Variants in CHN2 observed in about 807,000 individuals in gnomAD.
CHN2 encodes chimerin 2, also known as beta-chimaerin.
In CHN2, 35 loss-of-function variants were observed where a neutral mutation model predicts 56.3. The ratio of observed to expected loss-of-function variants is 0.62; its 90% CI spans 0.47 to 0.82. The LOEUF is 0.82. Among genes scored for constraint, CHN2 ranks in the 40% least tolerant of loss-of-function variants. The pLI, the probability that CHN2 is intolerant of heterozygous loss-of-function variation, is 0.00. For missense variants in CHN2, 491 were observed against 580.5 expected (o/e 0.85, Z 1.58); for synonymous variants, 210 against 212.8 (o/e 0.99, Z 0.12).
chr7:29,291,917 T>C (rs1227283947), intron 1 of CHN2, among the ~76,000 whole-genome samples: 3 of 152,158 alleles, frequency 2.0e-5, no homozygotes, highest in East Asian at 3.9e-4. Context: ...ACTTTTGCCC[T>C]TTACTCTCGG....
At chr7:29,198,064 T>C (rs1334049177) in intron 1 of CHN2, 1 of 455,872 alleles carries the variant, frequency 2.2e-6, no homozygotes, top group Non-Finnish European at 4.4e-6. Flanking sequence ...TGCACAGAGC[T>C]GCCAGCTCAC....
intron 1 of CHN2, among the ~76,000 whole-genome samples, chr7:29,301,941 G>A (rs993551288): frequency 1.3e-5 from 2 of 152,130 alleles, no homozygotes; most frequent in Non-Finnish European, 1.5e-5. Flanking sequence ...TGGCCACTTT[G>A]GGGATAGGAG....
Position 29,506,675 on chromosome 7 carries a change from A to G in CHN2, c.992-553A>G, listed in dbSNP as rs1180849120. Among the ~76,000 whole-genome samples, 5 of 152,288 alleles carry G rather than the reference A, an allele frequency of 3.3e-5. No homozygotes were observed. In the East Asian group the frequency reaches 9.6e-4, roughly 29 times the overall value. On this transcript the variant is annotated intron_variant, in intron 10 of 12. Coordinates refer to ENST00000222792, the MANE Select transcript of CHN2 (RefSeq NM_004067.4). Reference sequence around the variant, plus strand: ...AGAATGATAAGAAATATAACATCACATATCCAAGAGGAAAGGGTAAAGTTT... The same window carrying G: ...AGAATGATAAGAAATATAACATCACGTATCCAAGAGGAAAGGGTAAAGTTT...
At chr7:29,297,898 C>T (rs1793317390) in intron 1 of CHN2, among the ~76,000 whole-genome samples, 1 of 152,130 alleles carries the variant, frequency 6.6e-6, no homozygotes. Context: ...GTTCAGGATG[C>T]ATTTGAAAGG....
intron 11 of CHN2, 49 bp from the exon 12 acceptor site, chr7:29,509,252 C>T: frequency 1.4e-6 from 2 of 1,416,688 alleles, no homozygotes; most frequent in Non-Finnish European, 2.0e-6. Flanking sequence ...TCTCTGAAAA[C>T]TTGAATGCCA....
rs869037854 is a variant in CHN2, at chr7:29,195,629, A to AGAGAGAGAGAGAGAGAGT, written c.49+640_49+641insAGAGAGAGAGAGAGAGTG. Among the ~76,000 whole-genome samples the AGAGAGAGAGAGAGAGAGT allele has an allele frequency of 9.4e-5, 11 of 117,574 alleles. No homozygotes were observed. The South Asian group carries it at 1.1e-3, about 12-fold the overall frequency. The allele number at this position is 117,574 out of a possible 152,430, so 77.1% of individuals were successfully genotyped here. A position where few individuals can be genotyped will look rare whatever the true frequency, so the allele number is the denominator to read the frequency against. The stretch of plus-strand genomic sequence containing the variant: ...GAGAGAGAGAGAGAGAGAGAGAGAG[A>AGAGAGAGAGAGAGAGAGT]GTGTGTGTGTGTGTGTGTGTGAGAG... On this transcript the variant is annotated intron_variant, in intron 1 of 12. Coordinates refer to ENST00000222792, the MANE Select transcript of CHN2 (RefSeq NM_004067.4).
chr7:29,365,678 G>A (rs1487946069), intron 2 of CHN2, among the ~76,000 whole-genome samples: 1 of 152,172 alleles, frequency 6.6e-6, no homozygotes, highest in Non-Finnish European at 1.5e-5. Context: ...TAGGGAAAGG[G>A]GAGGAAACCA....
intron 1 of CHN2, among the ~76,000 whole-genome samples, chr7:29,327,483 C>T (rs1433655939): frequency 1.3e-5 from 2 of 152,192 alleles, no homozygotes; most frequent in Non-Finnish European, 2.9e-5. Flanking sequence ...TATTTTATAT[C>T]TGGAGCGATA....
At chr7:29,306,181 G>A (rs1003992552) in intron 1 of CHN2, among the ~76,000 whole-genome samples, 4 of 152,114 alleles carry the variant, frequency 2.6e-5, no homozygotes, top group Admixed American at 6.5e-5. Context: ...ACTCAATAGC[G>A]CACTGTGTAA....
chr7:29,239,650 A>G lies in CHN2; in HGVS notation c.49+44660A>G, dbSNP rs977215525. Among the ~76,000 whole-genome samples, 16 of 152,286 alleles carry G rather than the reference A, an allele frequency of 1.1e-4. No homozygotes were observed. In the East Asian group the frequency reaches 2.7e-3, roughly 26 times the overall value. On this transcript the variant is annotated intron_variant, in intron 1 of 12. Coordinates refer to ENST00000222792, the MANE Select transcript of CHN2 (RefSeq NM_004067.4). ...AGTTCTTACAAAAAGCTCTTGTCCC[A>G]TTGGTTCAGGGCTTCTTCCCACATT...
chr7:29,458,950 A>G (rs1417941418), intron 6 of CHN2, among the ~76,000 whole-genome samples: 1 of 152,240 alleles, frequency 6.6e-6, no homozygotes, highest in East Asian at 1.9e-4. Context: ...CCAGAAGATG[A>G]AATTCAACCA....
intron 1 of CHN2, among the ~76,000 whole-genome samples, chr7:29,304,266 C>T (rs1350723963): frequency 6.6e-6 from 1 of 152,066 alleles, no homozygotes; most frequent in African/African-American, 2.4e-5. Context: ...CAGAGCCAAC[C>T]CAATTTGCAG....
At chr7:29,362,097 G>T (rs1216686957) in intron 2 of CHN2, among the ~76,000 whole-genome samples, 1 of 152,232 alleles carries the variant, frequency 6.6e-6, no homozygotes, top group Admixed American at 6.5e-5. Flanking sequence ...AGTAAGCAAT[G>T]CCAGAGATGG....
At chr7:29,217,046 A>G (rs1254904595) in intron 1 of CHN2, among the ~76,000 whole-genome samples, 1 of 152,216 alleles carries the variant, frequency 6.6e-6, no homozygotes, top group Admixed American at 6.5e-5. Flanking sequence ...AGTCCTTTGA[A>G]CATCTAAATA....
chr7:29,294,360 A>G (rs1345582227), intron 1 of CHN2, among the ~76,000 whole-genome samples: 1 of 151,892 alleles, frequency 6.6e-6, no homozygotes. Flanking sequence ...TAATTTTCTT[A>G]CAGTTACATG....
chr7:29,181,044 TC>T (rs1798004770), intron 2 of CHN2, among the ~76,000 whole-genome samples: 1 of 152,208 alleles, frequency 6.6e-6, no homozygotes, highest in Non-Finnish European at 1.5e-5. Flanking sequence ...AAAAAGTTAA[TC>T]TCCCTAGTAA....
At chr7:29,242,538 AT>A (rs906487007) in intron 1 of CHN2, among the ~76,000 whole-genome samples, 25 of 147,462 alleles carry the variant, frequency 1.7e-4, no homozygotes, top group East Asian at 1.2e-3. Flanking sequence ...TTTTTTACGC[AT>A]TTTTTTTTTC....
At chr7:29,461,017 G>A (rs955644760) in intron 6 of CHN2, among the ~76,000 whole-genome samples, 5 of 152,188 alleles carry the variant, frequency 3.3e-5, no homozygotes, top group African/African-American at 1.2e-4. Flanking sequence ...TCTACTTTGT[G>A]CTGTGTAGCA....
intron 11 of CHN2, among the ~76,000 whole-genome samples, chr7:29,507,997 GT>G (rs1192184707): frequency 6.6e-6 from 1 of 152,090 alleles, no homozygotes; most frequent in Non-Finnish European, 1.5e-5. Context: ...TCACAAGCAA[GT>G]TTTGTCTATT....
Sources: allele counts gnomAD v4.1 joint callset (sites outside exome capture counted in the v4.1 genomes callset), GRCh38; gene constraint gnomAD v4.1.1; transcripts MANE v1.5; gene names NCBI Gene and HGNC (gene_info 2026-07-23, HGNC 2026-07-21).